Variants in WASF3 observed in about 807,000 individuals in gnomAD.
The protein encoded by WASF3 is actin-binding protein WASF3.
A neutral mutation model predicts 46.6 loss-of-function variants in WASF3; 11 were observed. The observed-to-expected ratio is 0.24, with a 90% CI of 0.15 to 0.39. WASF3 has a LOEUF of 0.39. Ranked by LOEUF, WASF3 falls within the 10% of genes least tolerant of loss-of-function variation. The pLI, the probability that WASF3 is intolerant of heterozygous loss-of-function variation, is 1.00. For missense variants in WASF3, 576 were observed against 669.8 expected, an observed-to-expected ratio of 0.86 and a Z score of 1.55; for synonymous variants, 242 against 259.7, an observed-to-expected ratio of 0.93 and a Z score of 0.65.
chr13:26,604,491 T>C (rs933244218), intron 1 of WASF3, among the ~76,000 whole-genome samples: 1 of 152,238 alleles, frequency 6.6e-6, no homozygotes, highest in African/African-American at 2.4e-5. Context: ...AACTTATAAA[T>C]ACATAATTAG....
intron 5 of WASF3, among the ~76,000 whole-genome samples, chr13:26,669,459 T>C (rs1203308717): frequency 6.6e-6 from 1 of 152,092 alleles, no homozygotes; most frequent in Non-Finnish European, 1.5e-5. Context: ...AACTTAAATA[T>C]GGCACTGTAA....
chr13:26,601,960 T>A (rs1056633068), intron 1 of WASF3, among the ~76,000 whole-genome samples: 2 of 152,218 alleles, frequency 1.3e-5, no homozygotes, highest in Admixed American at 6.5e-5. Flanking sequence ...ACAGGGAGCA[T>A]GTTTTGCTTT....
At chr13:26,567,962 C>A (rs1879521505) in intron 1 of WASF3, among the ~76,000 whole-genome samples, 2 of 151,844 alleles carry the variant, frequency 1.3e-5, no homozygotes, top group South Asian at 4.2e-4. Flanking sequence ...AGTGAACCAG[C>A]TAGGCAAATA....
intron 1 of WASF3, among the ~76,000 whole-genome samples, chr13:26,608,368 T>C (rs893099164): frequency 5.3e-5 from 8 of 152,206 alleles, no homozygotes; most frequent in Non-Finnish European, 8.8e-5. Context: ...TGCTCTCTCT[T>C]AGTATAATTA....
rs530870104 is a variant in WASF3 at position 26,587,271 on chromosome 13, C to CT, written c.-108-25689dup. 6.6e-3 allele frequency among the ~76,000 whole-genome samples: 966 copies of CT among 146,662 alleles called. 15 individuals carry two copies. Among genetic ancestry groups the CT allele is most frequent in the African/African-American group, 0.023 (920 of 40,338 alleles). ...CAACTGAATTAGAGTTCCCTAAACT[C>CT]TGTTTTTTTTTTTTGAAAATTCAAT... On this transcript the variant is annotated intron_variant, in intron 1 of 9. Transcript: ENST00000335327.
At chr13:26,664,079 T>A (rs1164229295) in intron 3 of WASF3, among the ~76,000 whole-genome samples, 1 of 152,184 alleles carries the variant, frequency 6.6e-6, no homozygotes, top group Non-Finnish European at 1.5e-5. Flanking sequence ...TCTCATGGAT[T>A]ATAGCAAAGA....
chr13:26,576,761 A>G, intron 1 of WASF3: 1 of 318,814 alleles, frequency 3.1e-6, no homozygotes, highest in East Asian at 6.7e-5. Flanking sequence ...TAATAGACTC[A>G]TTGGAAATGC....
rs1880674694 is a variant in WASF3, at chr13:26,602,635, A to G, written c.-108-10326A>G. 2.6e-5 allele frequency among the ~76,000 whole-genome samples: 4 copies of G among 152,218 alleles called. No individual in the cohort carries two copies. The South Asian group carries it at 8.3e-4, about 32-fold the overall frequency. On this transcript the variant is annotated intron_variant, in intron 1 of 9. Coordinates refer to ENST00000335327, the MANE Select transcript of WASF3 (RefSeq NM_006646.6). ...TCTCTTTGTTATAGTGGCCACTATT[A>G]TACTTTATCCTCAGAGAGAGAAAAA...
intron 1 of WASF3, among the ~76,000 whole-genome samples, chr13:26,602,266 C>A (rs1361129161): frequency 1.3e-5 from 2 of 152,086 alleles, no homozygotes; most frequent in Non-Finnish European, 2.9e-5. Flanking sequence ...ATATTGGATG[C>A]CACTGATTAA....
chr13:26,633,264 GTCATC>G lies in WASF3; in HGVS notation c.-10-8993_-10-8989del, dbSNP rs58085005. Among the ~76,000 whole-genome samples, 935 of 140,632 alleles carry G rather than the reference GTCATC, an allele frequency of 6.6e-3. 12 individuals carry two copies. The highest frequency in any genetic ancestry group is 0.024 in the African/African-American group (896 of 38,022). 92.3% of individuals were successfully genotyped at this position (140,632 alleles called of 152,430 possible). On this transcript the variant is annotated intron_variant, in intron 2 of 9. Transcript: ENST00000335327. ...GTTGCCCAGGCTGGAGTGCAATGGC[GTCATC>G]TCAGCTCATCACAACCTCTGCCTCC...
intron 1 of WASF3, among the ~76,000 whole-genome samples, chr13:26,595,848 C>T (rs748953610): frequency 3.9e-5 from 6 of 152,154 alleles, no homozygotes; most frequent in Non-Finnish European, 5.9e-5. Flanking sequence ...TATTGCTGAG[C>T]AGTTTACAAT....
chr13:26,669,122 A>G (rs921700519), intron 5 of WASF3, among the ~76,000 whole-genome samples: 8 of 151,724 alleles, frequency 5.3e-5, no homozygotes, highest in Admixed American at 6.6e-5. Flanking sequence ...GTAGTGATTT[A>G]TAGTATGAAA....
At chr13:26,572,252 G>A (rs898157130) in intron 1 of WASF3, among the ~76,000 whole-genome samples, 11 of 152,158 alleles carry the variant, frequency 7.2e-5, no homozygotes, top group Non-Finnish European at 1.3e-4. Flanking sequence ...GTGGGCATTC[G>A]TATCTGGTTC....
the WASF3 span, among the ~76,000 whole-genome samples, chr13:26,543,769 C>T: frequency 6.6e-6 from 1 of 152,124 alleles, no homozygotes; most frequent in South Asian, 2.1e-4. Flanking sequence ...TTGTGGGGCA[C>T]CGATAGTTTC....
intron 9 of WASF3, among the ~76,000 whole-genome samples, chr13:26,684,447 C>G (rs888388709): frequency 3.4e-5 from 4 of 117,940 alleles, no homozygotes; most frequent in Non-Finnish European, 3.4e-5. Flanking sequence ...GAAGAACTAT[C>G]CAGATTAAAG....
chr13:26,553,369 G>A (rs2138171747), upstream of WASF3, among the ~76,000 whole-genome samples: 1 of 152,112 alleles, frequency 6.6e-6, no homozygotes, highest in African/African-American at 2.4e-5. Flanking sequence ...AGGAGTTACA[G>A]GTATCGAGTC....
chr13:26,629,583 CT>C (rs1881588367), intron 2 of WASF3, among the ~76,000 whole-genome samples: 1 of 152,162 alleles, frequency 6.6e-6, no homozygotes, highest in Admixed American at 6.5e-5. Context: ...CAAGCTCAGG[CT>C]TTCCTTCCTC....
At position 26,687,401 on chromosome 13, in the gene WASF3, G is replaced by A. The variant is rs919925655; in HGVS notation, c.*1556G>A. 6.6e-6 allele frequency: 1 copy of A among 152,240 alleles called. No homozygotes were observed. The highest frequency in any genetic ancestry group is 2.4e-5 in the African/African-American group (1 of 41,426). 9.4% of individuals were successfully genotyped at this position (152,240 alleles called of 1,614,324 possible). A position where few individuals can be genotyped will look rare whatever the true frequency, so the allele number is the denominator to read the frequency against. ...TGGGGGTTTTTGTTAAAATGCATCT[G>A]AGCAAGTCAGCCAGCCCCGAAGTCC... is the stretch of plus-strand genomic sequence containing the variant. On this transcript the variant is annotated 3_prime_UTR_variant, in exon 10 of 10. Coordinates refer to ENST00000335327, the MANE Select transcript of WASF3 (RefSeq NM_006646.6).
chr13:26,594,486 A>G (rs1035223848), intron 1 of WASF3, among the ~76,000 whole-genome samples: 1 of 152,134 alleles, frequency 6.6e-6, no homozygotes, highest in Non-Finnish European at 1.5e-5. Context: ...TAACTTGTAT[A>G]TGCCCTTTGA....
Sources: allele counts gnomAD v4.1 joint callset (sites outside exome capture counted in the v4.1 genomes callset), GRCh38; gene constraint gnomAD v4.1.1; transcripts MANE v1.5; gene names NCBI Gene and HGNC (gene_info 2026-07-23, HGNC 2026-07-21).